Variants in LRRC4C observed in about 807,000 individuals in gnomAD.
The protein encoded by LRRC4C is leucine-rich repeat-containing protein 4C.
In LRRC4C, 5 loss-of-function variants were observed where a neutral mutation model predicts 33.6. That is an observed-to-expected ratio of 0.15 (90% CI 0.08 to 0.31). The LOEUF (loss-of-function observed/expected upper bound fraction) is 0.31. Ranked by LOEUF, LRRC4C falls within the 10% of genes least tolerant of loss-of-function variation. The probability of loss-of-function intolerance (pLI) is 1.00; values close to 1 mark genes in which losing one functional copy is unlikely to be tolerated. For missense variants in LRRC4C, 560 were observed against 796.7 expected (o/e 0.70, Z 3.58); for synonymous variants, 329 against 302.0 (o/e 1.09, Z -0.93).
At chr11:41,124,848 A>C (rs1360673693) in intron 1 of LRRC4C, among the ~76,000 whole-genome samples, 1 of 152,164 alleles carries the variant, frequency 6.6e-6, no homozygotes, top group Non-Finnish European at 1.5e-5. Context: ...CTTTTGAAAG[A>C]GAAATGGAAA....
chr11:40,917,195 G>A (rs1472206048), intron 2 of LRRC4C, among the ~76,000 whole-genome samples: 1 of 152,122 alleles, frequency 6.6e-6, no homozygotes, highest in Non-Finnish European at 1.5e-5. Context: ...AAGTTTTGGA[G>A]TGACACCTCT....
At chr11:40,666,724 CTTAAA>C (rs556529600) in intron 2 of LRRC4C, among the ~76,000 whole-genome samples, 133 of 152,120 alleles carry the variant, frequency 8.7e-4, no homozygotes, top group Middle Eastern at 3.4e-3. Context: ...ATAAAATAAT[CTTAAA>C]TTAACAGGAG....
chr11:40,550,957 G>T (rs1311125798), intron 3 of LRRC4C, among the ~76,000 whole-genome samples: 1 of 152,052 alleles, frequency 6.6e-6, no homozygotes, highest in Non-Finnish European at 1.5e-5. Flanking sequence ...TTTTTCTCAA[G>T]AAAGCAAGAA....
intron 3 of LRRC4C, among the ~76,000 whole-genome samples, chr11:40,557,006 T>C (rs539275536): frequency 1.3e-5 from 2 of 152,118 alleles, no homozygotes; most frequent in African/African-American, 4.8e-5. Context: ...GTTTTTTCCA[T>C]CTGTAAAAAC....
rs561930572 is a variant in LRRC4C at position 40,870,231 on chromosome 11, A to C, written c.-407+63404T>G. On this transcript the variant is annotated intron_variant, in intron 2 of 6. Coordinates refer to ENST00000528697, the MANE Select transcript of LRRC4C (RefSeq NM_001258419.2). The stretch of plus-strand genomic sequence containing the variant: ...GCAGAATATTTTATAGTTTTCAAAA[A>C]AATTCCAATTCCAATCTCTCCTTTT... 2.6e-5 allele frequency among the ~76,000 whole-genome samples: 4 copies of C among 152,286 alleles called. No homozygotes were observed. In the South Asian group the frequency reaches 8.3e-4, roughly 32 times the overall value.
At chr11:41,356,422 TGACTCATG>T in intron 1 of LRRC4C, among the ~76,000 whole-genome samples, 1 of 152,232 alleles carries the variant, frequency 6.6e-6, no homozygotes, top group South Asian at 2.1e-4. Flanking sequence ...CCAGGACTAA[TGACTCATG>T]GGTAAGGGGC....
chr11:41,235,118 T>G (rs893041821), intron 1 of LRRC4C, among the ~76,000 whole-genome samples: 1 of 152,078 alleles, frequency 6.6e-6, no homozygotes, highest in Non-Finnish European at 1.5e-5. Context: ...AAATACTCAC[T>G]ACTCCTTTTT....
intron 4 of LRRC4C, among the ~76,000 whole-genome samples, chr11:40,252,329 T>C (rs1430680137): frequency 1.3e-5 from 2 of 151,762 alleles, no homozygotes. Flanking sequence ...CCCTAACACA[T>C]ATATGTATAT....
intron 4 of LRRC4C, among the ~76,000 whole-genome samples, chr11:40,315,290 G>A (rs1237849578): frequency 2.0e-5 from 3 of 151,792 alleles, no homozygotes; most frequent in African/African-American, 7.3e-5. Flanking sequence ...GTGTTTTAGA[G>A]GAGGAAGAAG....
intron 3 of LRRC4C, among the ~76,000 whole-genome samples, chr11:40,554,978 C>T (rs1957278806): frequency 7.0e-6 from 1 of 143,164 alleles, no homozygotes; most frequent in Non-Finnish European, 1.5e-5. Flanking sequence ...GCCTCGGCCT[C>T]CCAAAGTGCT....
chr11:40,671,646 A>AGT (rs145275244), intron 2 of LRRC4C, among the ~76,000 whole-genome samples: 4,174 of 140,506 alleles, frequency 0.03, 77 homozygotes, highest in South Asian at 0.074. Context: ...GTCCTTATTC[A>AGT]GTGTGTGTGT....
chr11:40,858,516 G>A (rs1321216034), intron 2 of LRRC4C, among the ~76,000 whole-genome samples: 13 of 151,696 alleles, frequency 8.6e-5, no homozygotes, highest in Non-Finnish European at 2.9e-5. Context: ...CCAACATGGT[G>A]AAATCCCATC....
chr11:40,867,440 A>G (rs1461876339), intron 2 of LRRC4C, among the ~76,000 whole-genome samples: 1 of 152,218 alleles, frequency 6.6e-6, no homozygotes, highest in African/African-American at 2.4e-5. Flanking sequence ...AATGAGAAAC[A>G]TATCAGCATT....
At chr11:40,329,535 CT>C (rs1169245848) in intron 3 of LRRC4C, among the ~76,000 whole-genome samples, 4 of 151,976 alleles carry the variant, frequency 2.6e-5, no homozygotes, top group African/African-American at 9.7e-5. Context: ...CTTTGTGTAC[CT>C]CGTGGTATAG....
intron 1 of LRRC4C, among the ~76,000 whole-genome samples, chr11:41,265,577 G>GA (rs1342556671): frequency 6.6e-6 from 1 of 152,032 alleles, no homozygotes; most frequent in Non-Finnish European, 1.5e-5. Context: ...TTAACTGAGA[G>GA]AAAAAGAAAG....
intron 2 of LRRC4C, among the ~76,000 whole-genome samples, chr11:40,864,966 C>A (rs1954281608): frequency 1.3e-5 from 2 of 152,278 alleles, no homozygotes; most frequent in South Asian, 2.1e-4. Flanking sequence ...GATGATCAAA[C>A]CATAACAAAA....
rs1797991385 is a variant in LRRC4C at position 40,922,730 on chromosome 11, T to C, written c.-407+10905A>G. Among the ~76,000 whole-genome samples, 5 of 152,330 alleles carry C rather than the reference T, an allele frequency of 3.3e-5. No individual in the cohort carries two copies. In the South Asian group the frequency reaches 1.0e-3, roughly 32 times the overall value. On this transcript the variant is annotated intron_variant, in intron 2 of 6. Transcript: ENST00000528697. ...AAGGGAATATCCAAGAGAAAATCAA[T>C]ATAAATTTTGCAAACAAATGCAAGG...
At chr11:41,026,404 C>T (rs1856362653) in intron 1 of LRRC4C, among the ~76,000 whole-genome samples, 1 of 151,472 alleles carries the variant, frequency 6.6e-6, no homozygotes, top group Non-Finnish European at 1.5e-5. Flanking sequence ...AATTGAGTTG[C>T]TGCAATCTTA....
intron 1 of LRRC4C, among the ~76,000 whole-genome samples, chr11:41,298,566 C>T (rs1429326803): frequency 2.6e-5 from 4 of 152,052 alleles, no homozygotes; most frequent in Non-Finnish European, 5.9e-5. Context: ...AACGTAGGGC[C>T]TATGAGTAAT....
Sources: allele counts gnomAD v4.1 joint callset (sites outside exome capture counted in the v4.1 genomes callset), GRCh38; gene constraint gnomAD v4.1.1; transcripts MANE v1.5; gene names NCBI Gene and HGNC (gene_info 2026-07-23, HGNC 2026-07-21).